Variants in LARGE1 observed in about 807,000 individuals in gnomAD.
LARGE1 encodes the protein LARGE xylosyl- and glucuronyltransferase 1.
In LARGE1, 43 loss-of-function variants were observed where a neutral mutation model predicts 87.6. That is an observed-to-expected ratio of 0.49 (90% CI 0.38 to 0.63). The LOEUF (loss-of-function observed/expected upper bound fraction) is 0.63. Ranked by LOEUF, LARGE1 falls within the 30% of genes least tolerant of loss-of-function variation. The pLI, the probability that LARGE1 is intolerant of heterozygous loss-of-function variation, is 0.00. For synonymous variants in LARGE1, 434 were observed against 394.6 expected (o/e 1.10, Z -1.18); for missense variants, 802 against 1,000.2 (o/e 0.80, Z 2.67).
intron 6 of LARGE1, among the ~76,000 whole-genome samples, chr22:33,482,700 A>C (rs978540789): frequency 6.9e-5 from 10 of 144,986 alleles, no homozygotes; most frequent in Admixed American, 1.4e-4. Flanking sequence ...CCAGAACTTA[A>C]AGTATAATAA....
At position 33,362,987 on chromosome 22, in the gene LARGE1, C is replaced by T. The variant is rs1225028241; in HGVS notation, c.1131+18932G>A. ...TCAATTAGCAGATCAAAAAACCTGG[C>T]CTGTGGATGAAAAGAAAGCAAATCA... On this transcript the variant is annotated intron_variant, in intron 9 of 14. Transcript: ENST00000397394. Among the ~76,000 whole-genome samples, 14 of 149,954 alleles carry T rather than the reference C, an allele frequency of 9.3e-5. 1 individual carries two copies.
At chr22:33,597,147 C>T (rs933480463) in intron 5 of LARGE1, among the ~76,000 whole-genome samples, 1 of 152,086 alleles carries the variant, frequency 6.6e-6, no homozygotes, top group Non-Finnish European at 1.5e-5. Context: ...TAAGTGTGGT[C>T]CCCACTGAAC....
chr22:33,419,024 G>C (rs907812493), intron 7 of LARGE1, among the ~76,000 whole-genome samples: 1 of 152,080 alleles, frequency 6.6e-6, no homozygotes, highest in African/African-American at 2.4e-5. Context: ...CCCGAGACTG[G>C]GTAATTTATG....
chr22:33,735,886 T>C lies in LARGE1; in HGVS notation c.106+25485A>G, dbSNP rs569671625. ...GACATTTCATATAAATGGAATCACATGTACATATGTGGCCTTTGGTATCTG... is the reference window on the plus strand; with the variant it reads ...GACATTTCATATAAATGGAATCACACGTACATATGTGGCCTTTGGTATCTG... On this transcript the variant is annotated intron_variant, in intron 2 of 14. Transcript: ENST00000397394. Among the ~76,000 whole-genome samples the C allele has an allele frequency of 2.9e-4, 44 of 152,358 alleles. No homozygotes were observed. In the South Asian group the frequency reaches 3.9e-3, roughly 14 times the overall value.
chr22:33,885,951 A>G (rs2064832121), intron 1 of LARGE1, among the ~76,000 whole-genome samples: 1 of 152,044 alleles, frequency 6.6e-6, no homozygotes, highest in African/African-American at 2.4e-5. Flanking sequence ...AATTGCTTGA[A>G]CCTGGGAGGC....
chr22:33,142,859 G>A, the LARGE1 span, among the ~76,000 whole-genome samples: 1 of 152,178 alleles, frequency 6.6e-6, no homozygotes, highest in African/African-American at 2.4e-5. Context: ...TGGCACATGT[G>A]AGGATGTCAG....
intron 1 of LARGE1, among the ~76,000 whole-genome samples, chr22:33,858,191 C>G (rs148150138): frequency 2.0e-5 from 3 of 152,184 alleles, no homozygotes; most frequent in South Asian, 4.1e-4. Context: ...GCCTTTAGCC[C>G]GATCGGGAGC....
At chr22:33,626,411 T>C in intron 3 of LARGE1, 85 bp from the exon 4 acceptor site, 3 of 1,025,084 alleles carry the variant, frequency 2.9e-6, no homozygotes, top group East Asian at 4.8e-5. Context: ...GAAAGAAAAA[T>C]TGCCCTGATT....
Position 33,570,327 on chromosome 22 carries a change from T to C in LARGE1, c.616-5308A>G, listed in dbSNP as rs559786677. Reference sequence around the variant, plus strand: ...ATAAAAGCAGCAAATTCTGGTACCTTTGAAAGTAAAGGGGAAGTCAGGAAT... The same window carrying C: ...ATAAAAGCAGCAAATTCTGGTACCTCTGAAAGTAAAGGGGAAGTCAGGAAT... On this transcript the variant is annotated intron_variant, in intron 5 of 14. Coordinates refer to ENST00000397394, the MANE Select transcript of LARGE1 (RefSeq NM_133642.5). Among the ~76,000 whole-genome samples, 11 of 152,126 alleles carry C rather than the reference T, an allele frequency of 7.2e-5. No individual in the cohort carries two copies. In the South Asian group the frequency reaches 2.3e-3, roughly 32 times the overall value.
chr22:33,776,804 A>G (rs1291523797), intron 1 of LARGE1, among the ~76,000 whole-genome samples: 1 of 152,152 alleles, frequency 6.6e-6, no homozygotes, highest in Non-Finnish European at 1.5e-5. Context: ...TCATACAAAT[A>G]TCTCTGGTGC....
At chr22:33,166,539 C>T (rs1174082187) in exon 12 of LARGE1, 2 of 338,144 alleles carry the variant, frequency 5.9e-6, no homozygotes, top group Non-Finnish European at 1.2e-5. Flanking sequence ...TGGCATGTAC[C>T]ACTTCAATCT....
At chr22:33,444,998 T>G (rs1389239369) in intron 6 of LARGE1, among the ~76,000 whole-genome samples, 1 of 152,050 alleles carries the variant, frequency 6.6e-6, no homozygotes, top group Non-Finnish European at 1.5e-5. Flanking sequence ...CACGGCTCAT[T>G]TTTGTATTTT....
At chr22:33,310,215 G>A (rs8138572) in intron 11 of LARGE1, among the ~76,000 whole-genome samples, 11,553 of 152,182 alleles carry the variant, frequency 0.076, 513 homozygotes, top group African/African-American at 0.12. Flanking sequence ...CGCTGTTCTA[G>A]AGAGTAGGGC....
chr22:33,373,604 C>A (rs926068690), intron 9 of LARGE1, among the ~76,000 whole-genome samples: 1 of 151,834 alleles, frequency 6.6e-6, no homozygotes, highest in African/African-American at 2.4e-5. Context: ...TGGGATAACT[C>A]TCTCCTTTAA....
chr22:33,614,615 G>A (rs2079530450), intron 4 of LARGE1, among the ~76,000 whole-genome samples: 1 of 151,952 alleles, frequency 6.6e-6, no homozygotes, highest in Admixed American at 6.6e-5. Flanking sequence ...TGCTCCTCCT[G>A]CAGGAATAAA....
chr22:33,609,834 T>C (rs1465246497), intron 4 of LARGE1, among the ~76,000 whole-genome samples: 1 of 152,166 alleles, frequency 6.6e-6, no homozygotes, highest in East Asian at 1.9e-4. Flanking sequence ...CAAGATCTGG[T>C]TGTTTAAAAA....
chr22:33,417,593 TCA>T (rs2066544178), intron 7 of LARGE1, among the ~76,000 whole-genome samples: 1 of 152,218 alleles, frequency 6.6e-6, no homozygotes, highest in African/African-American at 2.4e-5. Context: ...CCTTATTATT[TCA>T]CAGTTAAGTA....
intron 1 of LARGE1, among the ~76,000 whole-genome samples, chr22:33,840,484 G>A (rs897233478): frequency 2.6e-5 from 4 of 151,982 alleles, no homozygotes; most frequent in Admixed American, 1.3e-4. Flanking sequence ...AAACTACATT[G>A]TTGATTTATT....
chr22:33,902,875 T>TA (rs1217518988), intron 1 of LARGE1, among the ~76,000 whole-genome samples: 1 of 152,216 alleles, frequency 6.6e-6, no homozygotes, highest in East Asian at 1.9e-4. Context: ...CTTATGTCTG[T>TA]AATCCCAGCA....
Sources: allele counts gnomAD v4.1 joint callset (sites outside exome capture counted in the v4.1 genomes callset), GRCh38; gene constraint gnomAD v4.1.1; transcripts MANE v1.5; gene names NCBI Gene and HGNC (gene_info 2026-07-23, HGNC 2026-07-21).